DMD: variants seen among roughly 807,000 people sequenced by gnomAD.
DMD encodes the protein dystrophin.
In DMD, 63 loss-of-function variants were observed where a neutral mutation model predicts 330.1. The ratio of observed to expected loss-of-function variants is 0.19; its 90% CI spans 0.16 to 0.24. DMD has a LOEUF of 0.24. DMD is among the 10% of genes least tolerant of loss of function. The probability of loss-of-function intolerance (pLI) is 1.00; values close to 1 mark genes in which losing one functional copy is unlikely to be tolerated. For missense variants in DMD, 3,344 were observed against 2,684.1 expected (o/e 1.25, Z -5.43); for synonymous variants, 1,223 against 959.8 (o/e 1.27, Z -5.07).
intron 62 of DMD, among the ~76,000 whole-genome samples, chrX:31,284,703 T>G (rs1016835904): frequency 2.8e-5 from 3 of 107,676 alleles, no homozygotes; most frequent in African/African-American, 1.0e-4. Flanking sequence ...CCCAAAGTGT[T>G]CGGATAACCG....
chrX:32,852,278 T>C (rs1032870757), intron 2 of DMD, among the ~76,000 whole-genome samples: 3 of 111,374 alleles, frequency 2.7e-5, no homozygotes, highest in East Asian at 2.8e-4. Context: ...CATTCTTAAA[T>C]ACACCCAGGG....
At position 32,050,974 on chromosome X, in the gene DMD, C is replaced by CTTTTTTTTTTTTTTTTTTT. The variant is rs761835866; in HGVS notation, c.6439-82461_6439-82460insAAAAAAAAAAAAAAAAAAA. Among the ~76,000 whole-genome samples the CTTTTTTTTTTTTTTTTTTT allele has an allele frequency of 5.8e-4, 45 of 78,119 alleles. 3 individuals carry two copies. The highest frequency in any genetic ancestry group is 1.4e-3 in the African/African-American group (25 of 17,524). 67.8% of individuals were successfully genotyped at this position (78,119 alleles called of 115,157 possible). On this transcript the variant is annotated intron_variant, in intron 44 of 78. Coordinates refer to ENST00000357033, the MANE Select transcript of DMD (RefSeq NM_004006.3). ...TTACATTGCCTCAGGCTAACTTCCTCTTTTTTTTTTTTTCCCCCTAATAGA... is the reference window on the plus strand; with the variant it reads ...TTACATTGCCTCAGGCTAACTTCCTCTTTTTTTTTTTTTTTTTTTTTTTTTTTTTTTTCCCCCTAATAGA...
chrX:32,168,624 C>G (rs188341155), intron 44 of DMD, among the ~76,000 whole-genome samples: 1 of 109,255 alleles, frequency 9.2e-6, no homozygotes, highest in South Asian at 4.0e-4. Flanking sequence ...TAAGAAAACA[C>G]TTGGAATAAT....
chrX:32,682,436 C>G (rs2062496827), intron 9 of DMD, among the ~76,000 whole-genome samples: 1 of 111,663 alleles, frequency 9.0e-6, no homozygotes, highest in East Asian at 2.8e-4. Flanking sequence ...AAACACTACT[C>G]TGACAGAGGG....
intron 7 of DMD, among the ~76,000 whole-genome samples, chrX:32,715,329 T>A (rs971584299): frequency 9.2e-6 from 1 of 108,342 alleles, no homozygotes; most frequent in Non-Finnish European, 1.9e-5. Context: ...ATTCAAAAAT[T>A]AGTTTGGCTT....
chrX:31,915,648 C>G (rs1169120541), intron 47 of DMD, among the ~76,000 whole-genome samples: 1 of 111,816 alleles, frequency 8.9e-6, no homozygotes, highest in Non-Finnish European at 1.9e-5. Flanking sequence ...TATACATAAA[C>G]CAAGGTACTG....
chrX:31,410,921 G>GTTTT (rs758238229), intron 60 of DMD, among the ~76,000 whole-genome samples: 15 of 59,775 alleles, frequency 2.5e-4, no homozygotes, highest in Non-Finnish European at 3.2e-4. Context: ...CTGTGTGTGT[G>GTTTT]TTTTTTTTTT....
At chrX:31,473,203 CAA>C (rs59143391) in intron 59 of DMD, among the ~76,000 whole-genome samples, 8,405 of 82,818 alleles carry the variant, frequency 0.1, 299 homozygotes, top group East Asian at 0.22. Flanking sequence ...CTAAAAAATC[CAA>C]AAAAAAAAAA....
At chrX:31,645,652 C>T (rs2080048082) in intron 54 of DMD, among the ~76,000 whole-genome samples, 1 of 112,360 alleles carries the variant, frequency 8.9e-6, no homozygotes, top group South Asian at 3.7e-4. Context: ...ATCTTACAAA[C>T]ACTTACTGAG....
At chrX:32,476,731 C>A (rs1337379092) in intron 21 of DMD, among the ~76,000 whole-genome samples, 1 of 111,350 alleles carries the variant, frequency 9.0e-6, no homozygotes, top group Non-Finnish European at 1.9e-5. Flanking sequence ...AAGTCTTATA[C>A]AGAAGCTAAT....
rs187406336 is a variant in DMD, at chrX:31,931,139, G to A, written c.6762+941C>T. On this transcript the variant is annotated intron_variant, in intron 46 of 78. Coordinates refer to ENST00000357033, the MANE Select transcript of DMD (RefSeq NM_004006.3). ...TTCATTTCCCTTTGATTATGTGACC[G>A]TGTAAAATGAGGATAATAGCAACCA... is the stretch of plus-strand genomic sequence containing the variant. Among the ~76,000 whole-genome samples the A allele has an allele frequency of 1.2e-4, 13 of 110,956 alleles. No homozygotes were observed. The East Asian group carries it at 1.4e-3, about 12-fold the overall frequency.
At chrX:32,972,575 C>G (rs1164960420) in intron 2 of DMD, among the ~76,000 whole-genome samples, 1 of 111,672 alleles carries the variant, frequency 9.0e-6, no homozygotes, top group Non-Finnish European at 1.9e-5. Context: ...AAAAATTGAT[C>G]AACATTTTTT....
intron 2 of DMD, among the ~76,000 whole-genome samples, chrX:33,008,906 AC>A (rs371609509): frequency 8.8e-5 from 7 of 79,901 alleles, no homozygotes; most frequent in East Asian, 4.4e-4. Context: ...ATATACACAT[AC>A]TCATATATGT....
intron 7 of DMD, among the ~76,000 whole-genome samples, chrX:32,724,926 T>C (rs1004736075): frequency 7.2e-5 from 8 of 111,521 alleles, no homozygotes; most frequent in Non-Finnish European, 1.5e-4. Context: ...AAAACCAGAG[T>C]TGTGTTCTTG....
intron 44 of DMD, among the ~76,000 whole-genome samples, chrX:32,092,724 CTTTTTTTTTTTTT>C (rs11315047): frequency 0.38 from 15,336 of 40,756 alleles, 1,502 homozygotes; most frequent in South Asian, 0.52. Flanking sequence ...GTTATTTTCA[CTTTTTTTTTTTTT>C]TTTTTTTTTT....
chrX:31,802,591 G>A (rs759653935), intron 50 of DMD, among the ~76,000 whole-genome samples: 1 of 111,600 alleles, frequency 9.0e-6, no homozygotes, highest in South Asian at 3.8e-4. Context: ...CAGGGGTGAG[G>A]TGGGAAGGTT....
chrX:32,664,238 G>GTTTTTT (rs59135933), intron 9 of DMD, among the ~76,000 whole-genome samples: 4 of 86,838 alleles, frequency 4.6e-5, no homozygotes, highest in Non-Finnish European at 9.0e-5. Flanking sequence ...CCTGGCATAG[G>GTTTTTT]TTTTTTTTTT....
chrX:32,573,885 T>C (rs367685315), intron 13 of DMD, 39 bp from the exon 14 acceptor site: 2 of 1,091,871 alleles, frequency 1.8e-6, no homozygotes, highest in East Asian at 3.0e-5. Flanking sequence ...CAGCAAACAA[T>C]TGGTAACTAC....
At chrX:32,983,100 T>C (rs1173459229) in intron 2 of DMD, among the ~76,000 whole-genome samples, 2 of 111,452 alleles carry the variant, frequency 1.8e-5, no homozygotes, top group African/African-American at 6.5e-5. Context: ...AGTGAGAAAA[T>C]AGCCCTTATT....
Sources: allele counts gnomAD v4.1 joint callset (sites outside exome capture counted in the v4.1 genomes callset), GRCh38; gene constraint gnomAD v4.1.1; transcripts MANE v1.5; gene names NCBI Gene and HGNC (gene_info 2026-07-23, HGNC 2026-07-21).